The following ZFYVE9 variants were observed in gnomAD, a reference collection of about 807,000 sequenced individuals.
The protein encoded by ZFYVE9 is zinc finger FYVE-type containing 9.
In ZFYVE9, 43 loss-of-function variants were observed where a neutral mutation model predicts 126.7. The observed-to-expected ratio is 0.34, with a 90% CI of 0.27 to 0.44. The LOEUF (loss-of-function observed/expected upper bound fraction) is 0.44. ZFYVE9 is among the 20% of genes least tolerant of loss of function. The probability of loss-of-function intolerance (pLI) is 1.00; values close to 1 mark genes in which losing one functional copy is unlikely to be tolerated. For synonymous variants in ZFYVE9, 521 were observed against 597.4 expected, an observed-to-expected ratio of 0.87 and a Z score of 1.87; for missense variants, 1,476 against 1,697.0, an observed-to-expected ratio of 0.87 and a Z score of 2.29.
intron 13 of ZFYVE9, among the ~76,000 whole-genome samples, chr1:52,308,724 C>T (rs1051053948): frequency 6.6e-6 from 1 of 152,140 alleles, no homozygotes; most frequent in Admixed American, 6.5e-5. Flanking sequence ...TGATTTAACT[C>T]CCAACTGGGG....
At chr1:52,179,824 G>C in intron 1 of ZFYVE9, 2 of 619,662 alleles carry the variant, frequency 3.2e-6, no homozygotes, top group Non-Finnish European at 6.0e-6. Context: ...GGGCACAGCT[G>C]GCTTCAGCAA....
intron 1 of ZFYVE9, among the ~76,000 whole-genome samples, chr1:52,167,046 G>GT (rs1644520691): frequency 1.3e-5 from 2 of 152,166 alleles, no homozygotes; most frequent in Non-Finnish European, 2.9e-5. Flanking sequence ...AATTTAAAAA[G>GT]TTTTGCAAAA....
intron 4 of ZFYVE9, among the ~76,000 whole-genome samples, chr1:52,257,526 G>A (rs984780838): frequency 5.3e-5 from 8 of 152,084 alleles, no homozygotes; most frequent in African/African-American, 1.9e-4. Context: ...TTATGCTTAG[G>A]CAGGTCATAC....
At chr1:52,256,402 G>A (rs1645519772) in intron 4 of ZFYVE9, among the ~76,000 whole-genome samples, 1 of 148,444 alleles carries the variant, frequency 6.7e-6, no homozygotes, top group Non-Finnish European at 1.5e-5. Flanking sequence ...AGACAGTTTT[G>A]CTCTTGTCGC....
chr1:52,180,241 G>C (rs1644684978), intron 1 of ZFYVE9: 1 of 1,603,948 alleles, frequency 6.2e-7, no homozygotes, highest in Non-Finnish European at 8.5e-7. Flanking sequence ...CACCTCAGTG[G>C]AGTTGCCAGG....
chr1:52,176,263 C>G (rs550491490), intron 1 of ZFYVE9, among the ~76,000 whole-genome samples: 6 of 152,304 alleles, frequency 3.9e-5, no homozygotes, highest in Admixed American at 3.9e-4. Flanking sequence ...GAGGTCCACT[C>G]CAGACCCTGT....
chr1:52,206,619 C>T (rs1271895760), intron 1 of ZFYVE9, among the ~76,000 whole-genome samples: 1 of 152,104 alleles, frequency 6.6e-6, no homozygotes, highest in African/African-American at 2.4e-5. Flanking sequence ...GATCTCGGCT[C>T]GGCTCACTGC....
intron 10 of ZFYVE9, among the ~76,000 whole-genome samples, chr1:52,287,689 T>G (rs1458437503): frequency 2.1e-5 from 3 of 143,272 alleles, no homozygotes; most frequent in African/African-American, 2.7e-5. Context: ...TGAGACCCTA[T>G]CTGTACCAAA....
chr1:52,307,515 G>T (rs1025598229), intron 13 of ZFYVE9, among the ~76,000 whole-genome samples: 1 of 152,138 alleles, frequency 6.6e-6, no homozygotes, highest in Non-Finnish European at 1.5e-5. Flanking sequence ...AGAATTACAG[G>T]TGTGTGCCAC....
In ZFYVE9 at chr1:52,346,415, CTTCTATGCA is replaced by C. The variant is rs1410641881; in HGVS notation, c.*197_*205del. On this transcript the variant is annotated 3_prime_UTR_variant, in exon 19 of 19. Transcript: ENST00000287727. ...GGACCGATGTTCCATAATTCTAAGT[CTTCTATGCA>C]TTGTCCACCAAGAAGATCTGGGCAG... The C allele has an allele frequency of 1.8e-6, 1 of 568,668 alleles. No individual in the cohort carries two copies. Among genetic ancestry groups the C allele is most frequent in the Non-Finnish European group, 2.9e-6 (1 of 342,626 alleles). The allele number at this position is 568,668 out of a possible 1,614,324, so 35.2% of individuals were successfully genotyped here.
chr1:52,235,262 A>G (rs1645263402), intron 3 of ZFYVE9, among the ~76,000 whole-genome samples: 1 of 151,454 alleles, frequency 6.6e-6, no homozygotes, highest in Admixed American at 6.6e-5. Context: ...ACTTAAAATG[A>G]TTTCTCATTT....
At chr1:52,232,977 T>G (rs1174467181) in intron 2 of ZFYVE9, among the ~76,000 whole-genome samples, 194 bp from the exon 3 acceptor site, 2 of 152,080 alleles carry the variant, frequency 1.3e-5, no homozygotes, top group East Asian at 3.9e-4. Context: ...TTAGTTATAT[T>G]TTGTTGATTG....
intron 13 of ZFYVE9, among the ~76,000 whole-genome samples, chr1:52,332,310 T>G (rs1037840481): frequency 2.0e-5 from 3 of 152,168 alleles, no homozygotes; most frequent in Non-Finnish European, 4.4e-5. Context: ...TTAGTAAAAT[T>G]AAGAAACAAT....
At chr1:52,221,928 A>G (rs1398298370) in intron 2 of ZFYVE9, among the ~76,000 whole-genome samples, 2 of 152,176 alleles carry the variant, frequency 1.3e-5, no homozygotes, top group African/African-American at 4.8e-5. Context: ...GAGTTAATCC[A>G]CAGATGACAA....
Position 52,168,214 on chromosome 1 carries a change from C to CTTTT in ZFYVE9, c.-143+25830_-143+25833dup, listed in dbSNP as rs139943554. On this transcript the variant is annotated intron_variant, in intron 1 of 18. Transcript: ENST00000287727. Reference sequence around the variant, plus strand: ...TCCTCCTCTTCCTCCTCTTCGTCTTCTTTTTTTTTTTTTTTTTTTTTTGAC... The same window carrying CTTTT: ...TCCTCCTCTTCCTCCTCTTCGTCTTCTTTTTTTTTTTTTTTTTTTTTTTTTTGAC... Among the ~76,000 whole-genome samples, 375 of 114,956 alleles carry CTTTT rather than the reference C, an allele frequency of 3.3e-3. 3 individuals carry two copies. Among genetic ancestry groups the CTTTT allele is most frequent in the Non-Finnish European group, 4.8e-3 (272 of 56,978 alleles). 75.4% of individuals were successfully genotyped at this position (114,956 alleles called of 152,430 possible). A position where few individuals can be genotyped will look rare whatever the true frequency, so the allele number is the denominator to read the frequency against.
intron 4 of ZFYVE9, among the ~76,000 whole-genome samples, chr1:52,255,600 AAG>A (rs1645497393): frequency 1.3e-5 from 2 of 151,020 alleles, no homozygotes; most frequent in East Asian, 2.0e-4. Context: ...AAAAAAAAAA[AAG>A]TAATTTTAGG....
At chr1:52,290,530 T>A (rs558627963) in intron 10 of ZFYVE9, among the ~76,000 whole-genome samples, 23 of 152,172 alleles carry the variant, frequency 1.5e-4, no homozygotes, top group African/African-American at 4.1e-4. Flanking sequence ...TGAAAAAAAA[T>A]TTTTTTCTCT....
intron 12 of ZFYVE9, among the ~76,000 whole-genome samples, chr1:52,299,916 G>A (rs912925941): frequency 3.9e-5 from 6 of 152,214 alleles, no homozygotes; most frequent in Non-Finnish European, 5.9e-5. Context: ...GTGAACTGCA[G>A]GCAACTACAA....
chr1:52,306,834 C>T (rs1646089492), intron 13 of ZFYVE9, among the ~76,000 whole-genome samples: 1 of 152,264 alleles, frequency 6.6e-6, no homozygotes. Context: ...CCTGGAGCTA[C>T]CTGCCTCACT....
Sources: allele counts gnomAD v4.1 joint callset (sites outside exome capture counted in the v4.1 genomes callset), GRCh38; gene constraint gnomAD v4.1.1; transcripts MANE v1.5; gene names NCBI Gene and HGNC (gene_info 2026-07-23, HGNC 2026-07-21).